Variants in RND3 observed in about 807,000 individuals in gnomAD.
RND3 encodes Rho family GTPase 3.
In RND3, 8 loss-of-function variants were observed where a neutral mutation model predicts 26.5. The ratio of observed to expected loss-of-function variants is 0.30; its 90% CI spans 0.18 to 0.54. RND3 has a LOEUF of 0.54. Among genes scored for constraint, RND3 ranks in the 20% least tolerant of loss-of-function variants. The pLI is 0.94. For missense variants in RND3, 207 were observed against 302.8 expected, an observed-to-expected ratio of 0.68 and a Z score of 2.35; for synonymous variants, 113 against 113.0, an observed-to-expected ratio of 1.00 and a Z score of 0.00.
chr2:150,486,279 G>C lies in RND3; in HGVS notation c.238+415C>G. ...TCCCATCACCCCCGCGGCGCTCCCC[G>C]CCTCCCCGCCAACCAGCAGGTTAGA... On this transcript the variant is annotated intron_variant, in intron 3 of 5. Transcript: ENST00000263895. This position sits in a 1 kb window ranked among gnomAD's most constrained non-coding sequence, Gnocchi z 4.5. Among the ~76,000 whole-genome samples, 1 of 152,086 alleles carries C rather than the reference G, an allele frequency of 6.6e-6. No individual in the cohort carries two copies. Among genetic ancestry groups the C allele is most frequent in the East Asian group, 1.9e-4 (1 of 5,154 alleles).
intron 4 of RND3, among the ~76,000 whole-genome samples, chr2:150,474,537 A>G (rs1414745408): frequency 1.3e-5 from 2 of 152,204 alleles, no homozygotes; most frequent in South Asian, 4.1e-4. Flanking sequence ...TCTGTAAACT[A>G]AGATGCAATC....
intron 3 of RND3, among the ~76,000 whole-genome samples, chr2:150,481,285 C>T (rs987149502): frequency 2.6e-5 from 4 of 152,064 alleles, no homozygotes; most frequent in African/African-American, 4.8e-5. Context: ...TTAGAACCTC[C>T]GGGCTCACCA....
At chr2:150,476,944 T>A (rs1019766959) in intron 3 of RND3, among the ~76,000 whole-genome samples, 2 of 152,176 alleles carry the variant, frequency 1.3e-5, no homozygotes, top group African/African-American at 4.8e-5. Flanking sequence ...GTGTCCAAAG[T>A]CTAACTCTAG....
In RND3 at chr2:150,484,466, T is replaced by C. The variant is rs553360143; in HGVS notation, c.238+2228A>G. 4.6e-5 allele frequency among the ~76,000 whole-genome samples: 7 copies of C among 152,294 alleles called. No individual in the cohort carries two copies. In the East Asian group the frequency reaches 7.7e-4, roughly 17 times the overall value. ...CTTGAAGCTTGAGATAGGAAATGTA[T>C]AGCCCAGCATTCCTATAAGCCCACC... On this transcript the variant is annotated intron_variant, in intron 3 of 5. Coordinates refer to ENST00000263895, the MANE Select transcript of RND3 (RefSeq NM_005168.5).
rs1553461879 is a variant in RND3, at chr2:150,487,474, A to ATATATATATATAT, written c.-38-20_-38-19insATATATATATATA. ...ATTTTCTCTTAAGAAGAAAAAAAAA[A>ATATATATATATAT]ATATATATATATATATATATTTCTC... On this transcript the variant is annotated intron_variant, in intron 1 of 5. Coordinates refer to ENST00000263895, the MANE Select transcript of RND3 (RefSeq NM_005168.5). The ATATATATATATAT allele has an allele frequency of 0.01, 2,062 of 200,508 alleles. 23 individuals are homozygous for ATATATATATATAT. The highest frequency in any genetic ancestry group is 0.021 in the African/African-American group (770 of 36,536). 12.4% of individuals were successfully genotyped at this position (200,508 alleles called of 1,614,324 possible). A position where few individuals can be genotyped will look rare whatever the true frequency, so the allele number is the denominator to read the frequency against.
At chr2:150,473,143 G>GAA (rs36041514) in intron 4 of RND3, among the ~76,000 whole-genome samples, 4 of 136,512 alleles carry the variant, frequency 2.9e-5, no homozygotes, top group Non-Finnish European at 1.6e-5. Flanking sequence ...AGGTGAACTG[G>GAA]AAAAAAAAAA....
At chr2:150,471,148 G>C (rs1298279201) in intron 5 of RND3, among the ~76,000 whole-genome samples, 2 of 152,108 alleles carry the variant, frequency 1.3e-5, no homozygotes, top group East Asian at 3.8e-4. Context: ...TAAAATTTTG[G>C]TATTTCAACA....
chr2:150,483,748 G>A (rs1573957202), intron 3 of RND3, among the ~76,000 whole-genome samples: 1 of 152,314 alleles, frequency 6.6e-6, no homozygotes. Flanking sequence ...AATCACTTTT[G>A]ATGGAAACAG....
rs974493111 is a variant in RND3, at chr2:150,486,754, A to G, written c.178T>C (p.Tyr60His). 6.2e-7 allele frequency: 1 copy of G among 1,613,486 alleles called. No homozygotes were observed. Among genetic ancestry groups the G allele is most frequent in the Non-Finnish European group, 8.5e-7 (1 of 1,179,480 alleles). The change falls in exon 3 of 6, where the codon TAC becomes CAC. Residue 60 changes from tyrosine to histidine, a missense_variant. Physicochemically the swap from Tyr to His is moderately conservative, Grantham distance 83 (BLOSUM62 2). Coordinates refer to ENST00000263895, the MANE Select transcript of RND3 (RefSeq NM_005168.5). The surrounding 1 kb of genome is among the most constrained non-coding windows in gnomAD (Gnocchi z 4.5). ...ENYVPTVFEN[Y>H]TASFEIDTQR... ...GTGTCGATTTCAAAACTGGCCGTGT[A>G]ATTCTCAAACACTGTAGGAACGTAA...
intron 4 of RND3, 158 bp from the exon 5 acceptor site, chr2:150,471,919 C>T: frequency 1.6e-6 from 1 of 613,212 alleles, no homozygotes; most frequent in Non-Finnish European, 2.8e-6. Context: ...GCATTTATCT[C>T]CTGAACAGAT....
intron 3 of RND3, among the ~76,000 whole-genome samples, chr2:150,475,301 T>C (rs913714956): frequency 3.3e-5 from 5 of 152,094 alleles, no homozygotes; most frequent in Non-Finnish European, 5.9e-5. Flanking sequence ...TGGTCTTGTG[T>C]GTAAACCTGC....
At position 150,486,336 on chromosome 2, in the gene RND3, G is replaced by A. The variant is rs1686360972; in HGVS notation, c.238+358C>T. Among the ~76,000 whole-genome samples the A allele has an allele frequency of 6.6e-6, 1 of 152,152 alleles. No individual in the cohort carries two copies. The highest frequency in any genetic ancestry group is 6.5e-5 in the Admixed American group (1 of 15,286). ...AGGGGCGCCCGCCTTGAGCCGGGTG[G>A]TTCCGCCGAGGCGCACGCAGCGCCC... On this transcript the variant is annotated intron_variant, in intron 3 of 5. Transcript: ENST00000263895. The surrounding 1 kb of genome is among the most constrained non-coding windows in gnomAD (Gnocchi z 4.5).
chr2:150,473,239 G>A (rs564492166), intron 4 of RND3, among the ~76,000 whole-genome samples: 27 of 151,842 alleles, frequency 1.8e-4, no homozygotes, highest in Non-Finnish European at 3.2e-4. Context: ...AAGACAAACC[G>A]CAGGGGTTAT....
intron 3 of RND3, among the ~76,000 whole-genome samples, chr2:150,478,401 C>CA (rs377282962): frequency 0.017 from 2,542 of 145,838 alleles, 74 homozygotes; most frequent in African/African-American, 0.059. Flanking sequence ...CAACGCATGC[C>CA]AAAAAAAAAG....
rs1686354871 is a variant in RND3, at chr2:150,486,084, G to A, written c.238+610C>T. Among the ~76,000 whole-genome samples, 1 of 152,168 alleles carries A rather than the reference G, an allele frequency of 6.6e-6. No homozygotes were observed. The highest frequency in any genetic ancestry group is 2.4e-5 in the African/African-American group (1 of 41,440). Reference sequence around the variant, plus strand: ...CGGTACAGGTGGGCACCGAGGCACCGCGGGCGGCCGGCAGCGCGAAGAGGA... The same window carrying A: ...CGGTACAGGTGGGCACCGAGGCACCACGGGCGGCCGGCAGCGCGAAGAGGA... On this transcript the variant is annotated intron_variant, in intron 3 of 5. Coordinates refer to ENST00000263895, the MANE Select transcript of RND3 (RefSeq NM_005168.5). This position sits in a 1 kb window ranked among gnomAD's most constrained non-coding sequence, Gnocchi z 4.5.
In RND3 at chr2:150,480,529, A is replaced by C. The variant is rs535658619; in HGVS notation, c.239-5545T>G. On this transcript the variant is annotated intron_variant, in intron 3 of 5. Coordinates refer to ENST00000263895, the MANE Select transcript of RND3 (RefSeq NM_005168.5). ...TCTTGGTGTCATATTTACATGCAAA[A>C]GAACTGGATTAATGAGGAAACATCT... 4.6e-5 allele frequency among the ~76,000 whole-genome samples: 7 copies of C among 152,340 alleles called. No individual in the cohort carries two copies. In the East Asian group the frequency reaches 1.3e-3, roughly 29 times the overall value.
intron 3 of RND3, among the ~76,000 whole-genome samples, chr2:150,478,905 T>G (rs1283302579): frequency 1.3e-5 from 2 of 152,186 alleles, no homozygotes; most frequent in African/African-American, 4.8e-5. Context: ...TGGTACTATA[T>G]GAAACTTTTA....
intron 3 of RND3, among the ~76,000 whole-genome samples, chr2:150,480,639 A>C (rs932959891): frequency 1.4e-5 from 2 of 145,770 alleles, no homozygotes; most frequent in African/African-American, 4.9e-5. Flanking sequence ...TGGAAAAAAA[A>C]CAGCACTAAA....
chr2:150,486,733 C>T lies in RND3; in HGVS notation c.199G>A (p.Asp67Asn), dbSNP rs764594599. 1 of 1,613,788 alleles carries T rather than the reference C, an allele frequency of 6.2e-7. No homozygotes were observed. The highest frequency in any genetic ancestry group is 8.5e-7 in the Non-Finnish European group (1 of 1,179,688). The change falls in exon 3 of 6, where the codon GAC becomes AAC. Residue 67 changes from aspartate to asparagine, a missense_variant. Physicochemically the swap from Asp to Asn is conservative, Grantham distance 23. Transcript: ENST00000263895. This position sits in a 1 kb window ranked among gnomAD's most constrained non-coding sequence, Gnocchi z 4.5. ...AGGCTCAACTCTATTCTTTGTGTGTCGATTTCAAAACTGGCCGTGTAATTC... is the reference window on the plus strand; with the variant it reads ...AGGCTCAACTCTATTCTTTGTGTGTTGATTTCAAAACTGGCCGTGTAATTC... ...FENYTASFEI[D>N]TQRIELSLWD...
Sources: allele counts gnomAD v4.1 joint callset (sites outside exome capture counted in the v4.1 genomes callset), GRCh38; gene constraint gnomAD v4.1.1; non-coding constraint Gnocchi (gnomAD v3.1); transcripts MANE v1.5; gene names NCBI Gene and HGNC (gene_info 2026-07-23, HGNC 2026-07-21).